OSBPL3: variants seen among roughly 807,000 people sequenced by gnomAD.
OSBPL3 encodes the protein oxysterol binding protein like 3, also known as oxysterol-binding protein-related protein 3.
In OSBPL3, 65 loss-of-function variants were observed where a neutral mutation model predicts 120.1. That is an observed-to-expected ratio of 0.54 (90% CI 0.44 to 0.67). The LOEUF (loss-of-function observed/expected upper bound fraction) is 0.67. Among genes scored for constraint, OSBPL3 ranks in the 30% least tolerant of loss-of-function variants. The pLI, the probability that OSBPL3 is intolerant of heterozygous loss-of-function variation, is 0.00. For synonymous variants in OSBPL3, 416 were observed against 402.6 expected (o/e 1.03, Z -0.40); for missense variants, 1,004 against 1,082.1 (o/e 0.93, Z 1.01).
chr7:24,927,385 A>C (rs1172892138), intron 1 of OSBPL3, among the ~76,000 whole-genome samples: 2 of 152,212 alleles, frequency 1.3e-5, no homozygotes, highest in Admixed American at 6.5e-5. Context: ...TATGGCAATA[A>C]ATCCAAGCTA....
Position 24,938,779 on chromosome 7 carries a change from A to ATGTG in OSBPL3, c.-150+41103_-150+41106dup, listed in dbSNP as rs142720310. Among the ~76,000 whole-genome samples, 183 of 94,220 alleles carry ATGTG rather than the reference A, an allele frequency of 1.9e-3. 2 individuals carry two copies. The highest frequency in any genetic ancestry group is 0.011 in the East Asian group (35 of 3,298). 61.8% of individuals were successfully genotyped at this position (94,220 alleles called of 152,430 possible). A position where few individuals can be genotyped will look rare whatever the true frequency, so the allele number is the denominator to read the frequency against. ...AACTGAATAATGAGGTTTTGTTTTGATGTGTGTGTGTGTGTGTGTGTGTGT... is the reference window on the plus strand; with the variant it reads ...AACTGAATAATGAGGTTTTGTTTTGATGTGTGTGTGTGTGTGTGTGTGTGTGTGT... On this transcript the variant is annotated intron_variant, in intron 1 of 22. Transcript: ENST00000313367. This position sits in a 1 kb window ranked among gnomAD's most constrained non-coding sequence, Gnocchi z 5.8.
rs768007529 is a variant in OSBPL3, at chr7:24,816,686, C to T, written c.1951G>A (p.Val651Met). The T allele has an allele frequency of 1.3e-6, 2 of 1,598,426 alleles. No homozygotes were observed. Among genetic ancestry groups the T allele is most frequent in the South Asian group, 2.2e-5 (2 of 90,668 alleles). Residue 651 changes from valine (V) to methionine (M), a missense_variant and splice_region_variant, in exon 18 of 23, where the codon GTG (valine) becomes ATG (methionine). Val to Met is a conservative substitution (Grantham distance 21). Transcript: ENST00000313367. The stretch of plus-strand genomic sequence containing the variant: ...CCCCAGAATTTGTTTTTCCATCTCA[C>T]ATCTGAAATGAAATACCAAATATTA... ...ESRNFVFWQD[V>M]RWKNKFWGKS...
intron 19 of OSBPL3, among the ~76,000 whole-genome samples, chr7:24,814,719 G>A (rs564916476): frequency 5.3e-5 from 8 of 152,268 alleles, no homozygotes; most frequent in East Asian, 1.9e-4. Flanking sequence ...TGGCGATCTC[G>A]CAGAAGTGGA....
intron 1 of OSBPL3, among the ~76,000 whole-genome samples, chr7:24,909,655 T>A (rs1416307741): frequency 6.6e-6 from 1 of 152,178 alleles, no homozygotes; most frequent in South Asian, 2.1e-4. Flanking sequence ...CCTCTGTACG[T>A]CTTAACAGAA....
At chr7:24,951,904 G>A (rs1389515494) in intron 1 of OSBPL3, among the ~76,000 whole-genome samples, 1 of 152,194 alleles carries the variant, frequency 6.6e-6, no homozygotes, top group African/African-American at 2.4e-5. Flanking sequence ...AACACTTCCA[G>A]TGAGACCTCA....
intron 1 of OSBPL3, among the ~76,000 whole-genome samples, chr7:24,921,240 C>A (rs1810344033): frequency 6.6e-6 from 1 of 151,996 alleles, no homozygotes; most frequent in South Asian, 2.1e-4. Flanking sequence ...CTCAGAAATA[C>A]CACGATGTAG....
chr7:24,838,167 G>A (rs1196010709), intron 14 of OSBPL3, among the ~76,000 whole-genome samples: 5 of 152,162 alleles, frequency 3.3e-5, no homozygotes, highest in Admixed American at 1.3e-4. Context: ...CACTGACAAA[G>A]AAGAAAACTG....
chr7:24,902,616 T>G (rs1453192320), intron 1 of OSBPL3, among the ~76,000 whole-genome samples: 1 of 149,494 alleles, frequency 6.7e-6, no homozygotes, highest in African/African-American at 2.4e-5. Flanking sequence ...ATATTCCAAA[T>G]TGCTATTCAA....
At chr7:24,870,989 T>A in intron 4 of OSBPL3, 144 bp from the exon 5 acceptor site, 1 of 651,598 alleles carries the variant, frequency 1.5e-6, no homozygotes. Flanking sequence ...AGTGCTGAGT[T>A]ACGTGCTGGA....
rs1273556367 is a variant in OSBPL3 at position 24,830,163 on chromosome 7, T to C, written c.1884+605A>G. Among the ~76,000 whole-genome samples the C allele has an allele frequency of 1.3e-5, 2 of 152,180 alleles. No homozygotes were observed. The highest frequency in any genetic ancestry group is 4.8e-5 in the African/African-American group (2 of 41,444). On this transcript the variant is annotated intron_variant, in intron 16 of 22. Transcript: ENST00000313367. This position sits in a 1 kb window ranked among gnomAD's most constrained non-coding sequence, Gnocchi z 4.4. ...TGCTACTTCTATGGCAAGAGTGTGATGGAACCTTAGGCTGCATGAGTACAA... is the reference window on the plus strand; with the variant it reads ...TGCTACTTCTATGGCAAGAGTGTGACGGAACCTTAGGCTGCATGAGTACAA...
rs1335946608 is a variant in OSBPL3, at chr7:24,822,036, G to C, written c.1885-1798C>G. On this transcript the variant is annotated intron_variant, in intron 16 of 22. Transcript: ENST00000313367. The surrounding 1 kb of genome is among the most constrained non-coding windows in gnomAD (Gnocchi z 5.8). Reference sequence around the variant, plus strand: ...CTAAAGGTGTGTGCCACCACGCCCGGCTAATTTTTTCACTTTTTGTAGGGA... The same window carrying C: ...CTAAAGGTGTGTGCCACCACGCCCGCCTAATTTTTTCACTTTTTGTAGGGA... 6.6e-6 allele frequency among the ~76,000 whole-genome samples: 1 copy of C among 152,034 alleles called. No individual in the cohort carries two copies. Among genetic ancestry groups the C allele is most frequent in the Non-Finnish European group, 1.5e-5 (1 of 67,996 alleles).
rs1310104056 is a variant in OSBPL3, at chr7:24,881,458, A to C, written c.97-9389T>G. Among the ~76,000 whole-genome samples, 1 of 152,248 alleles carries C rather than the reference A, an allele frequency of 6.6e-6. No individual in the cohort carries two copies. The highest frequency in any genetic ancestry group is 1.5e-5 in the Non-Finnish European group (1 of 68,038). ...CTCATTATCAGGAACTAGAGATACA[A>C]AGATGTAAAATCAAGTGCTGGATCT... On this transcript the variant is annotated intron_variant, in intron 2 of 22. Transcript: ENST00000313367. The surrounding 1 kb of genome is among the most constrained non-coding windows in gnomAD (Gnocchi z 4.3).
At chr7:24,962,841 T>C (rs1369630040) in intron 1 of OSBPL3, among the ~76,000 whole-genome samples, 1 of 152,224 alleles carries the variant, frequency 6.6e-6, no homozygotes, top group Non-Finnish European at 1.5e-5. Context: ...CTGGATGAGT[T>C]TCTGTCACTT....
At chr7:24,915,251 C>T (rs1809379804) in intron 1 of OSBPL3, among the ~76,000 whole-genome samples, 2 of 152,140 alleles carry the variant, frequency 1.3e-5, no homozygotes, top group Admixed American at 1.3e-4. Flanking sequence ...GCTGATTCTC[C>T]AACATGTAAG....
At chr7:24,840,999 C>G (rs181193172) in intron 13 of OSBPL3, among the ~76,000 whole-genome samples, 1 of 152,156 alleles carries the variant, frequency 6.6e-6, no homozygotes, top group Non-Finnish European at 1.5e-5. Context: ...TTAGTTCTCA[C>G]AAGGAAAACA....
In OSBPL3 at chr7:24,959,598, G is replaced by A. The variant is rs965766178; in HGVS notation, c.-150+20288C>T. Among the ~76,000 whole-genome samples the A allele has an allele frequency of 1.3e-5, 2 of 152,180 alleles. No individual in the cohort carries two copies. The highest frequency in any genetic ancestry group is 2.9e-5 in the Non-Finnish European group (2 of 68,008). The stretch of plus-strand genomic sequence containing the variant: ...TAATCACCTGTTTCTTGTTCTGGAC[G>A]CTGGTTACACAGGTTATTTATCTTC... On this transcript the variant is annotated intron_variant, in intron 1 of 22. Transcript: ENST00000313367. This position sits in a 1 kb window ranked among gnomAD's most constrained non-coding sequence, Gnocchi z 4.3.
rs184557169 is a variant in OSBPL3, at chr7:24,968,856, T to A, written c.-150+11030A>T. On this transcript the variant is annotated intron_variant, in intron 1 of 22. Coordinates refer to ENST00000313367, the MANE Select transcript of OSBPL3 (RefSeq NM_015550.4). This position sits in a 1 kb window ranked among gnomAD's most constrained non-coding sequence, Gnocchi z 4.6. ...TCACATATCATTCCATATCAGAAAA[T>A]GTAGAGCTGCCTCATTTTTAACGGC... Among the ~76,000 whole-genome samples, 2 of 152,234 alleles carry A rather than the reference T, an allele frequency of 1.3e-5. No individual in the cohort carries two copies. Among genetic ancestry groups the A allele is most frequent in the African/African-American group, 4.8e-5 (2 of 41,454 alleles).
At position 24,977,086 on chromosome 7, in the gene OSBPL3, A is replaced by G. The variant is rs182833117; in HGVS notation, c.-150+2800T>C. On this transcript the variant is annotated intron_variant, in intron 1 of 22. Transcript: ENST00000313367. ...AACTCTCTACTCTGCATTAGAGAACAGAGGAACTAGCTGGCTTTCCAGCGC... is the reference window on the plus strand; with the variant it reads ...AACTCTCTACTCTGCATTAGAGAACGGAGGAACTAGCTGGCTTTCCAGCGC... Among the ~76,000 whole-genome samples, 116 of 152,370 alleles carry G rather than the reference A, an allele frequency of 7.6e-4. 1 individual carries two copies. Among genetic ancestry groups the G allele is most frequent in the African/African-American group, 2.5e-3 (103 of 41,590 alleles).
rs1270031784 is a variant in OSBPL3 at position 24,797,184 on chromosome 7, C to G, written c.*2999G>C. 1 of 152,170 alleles carries G rather than the reference C, an allele frequency of 6.6e-6. No homozygotes were observed. The highest frequency in any genetic ancestry group is 2.4e-5 in the African/African-American group (1 of 41,438). The allele number at this position is 152,170 out of a possible 1,614,324, so 9.4% of individuals were successfully genotyped here. Reference sequence around the variant, plus strand: ...GACATCTTTAACAGTAGAACAAGATCACTCATGATAAATCTGGAAGATGCA... The same window carrying G: ...GACATCTTTAACAGTAGAACAAGATGACTCATGATAAATCTGGAAGATGCA... On this transcript the variant is annotated 3_prime_UTR_variant, in exon 23 of 23. Transcript: ENST00000313367. This position sits in a 1 kb window ranked among gnomAD's most constrained non-coding sequence, Gnocchi z 4.8.
Sources: gnomAD v4.1 joint callset for allele counts (sites outside exome capture counted in the v4.1 genomes callset) on GRCh38, gnomAD v4.1.1 for gene constraint, Gnocchi (gnomAD v3.1) non-coding constraint, MANE v1.5 for transcripts, NCBI Gene and HGNC (gene_info 2026-07-23, HGNC 2026-07-21) for gene names.